PRR15: variants seen among roughly 807,000 people sequenced by gnomAD.
PRR15 encodes proline rich 15, also known as proline-rich protein 15.
Under a neutral mutation model 3.0 loss-of-function variants are expected in PRR15, and 4 were observed. That is an observed-to-expected ratio of 1.34 (90% CI 0.66 to 3.08). PRR15 has a LOEUF of 3.08. Among genes scored for constraint, PRR15 ranks in the 30% most tolerant of loss-of-function variants. The probability of loss-of-function intolerance (pLI) is 0.01; values close to 1 mark genes in which losing one functional copy is unlikely to be tolerated. For missense variants in PRR15, 200 were observed against 179.5 expected (o/e 1.11, Z -0.65); for synonymous variants, 82 against 79.8 (o/e 1.03, Z -0.14).
intron 1 of PRR15, chr7:29,565,897 G>C: frequency 5.6e-6 from 1 of 177,282 alleles, no homozygotes; most frequent in Non-Finnish European, 1.2e-5. Context: ...TGGGTCCCCC[G>C]GGCACGCTGA....
chr7:29,566,775 G>C lies in PRR15; in HGVS notation c.*56G>C, dbSNP rs1473480953. On this transcript the variant is annotated 3_prime_UTR_variant, in exon 2 of 2. Transcript: ENST00000319694. ...TACCCAGCACTACCCCAAACCCCCA[G>C]TTCCAAACCCGAGACTTCAGGCCCG... 7 of 1,463,154 alleles carry C rather than the reference G, an allele frequency of 4.8e-6. No homozygotes were observed. The highest frequency in any genetic ancestry group is 6.3e-6 in the Non-Finnish European group (7 of 1,102,382). The allele number at this position is 1,463,154 out of a possible 1,614,324, so 90.6% of individuals were successfully genotyped here.
rs1304808017 is a variant in PRR15 at position 29,566,733 on chromosome 7, C to T, written c.*14C>T. 1.3e-6 allele frequency: 2 copies of T among 1,537,890 alleles called. No homozygotes were observed. Among genetic ancestry groups the T allele is most frequent in the Non-Finnish European group, 8.8e-7 (1 of 1,140,316 alleles). On this transcript the variant is annotated 3_prime_UTR_variant, in exon 2 of 2. Coordinates refer to ENST00000319694, the MANE Select transcript of PRR15 (RefSeq NM_175887.3). Reference sequence around the variant, plus strand: ...GACAAGCAGTAGCCCCAATAGCCTGCGCGCTCCAGGACTGCCTACCCAGCA... The same window carrying T: ...GACAAGCAGTAGCCCCAATAGCCTGTGCGCTCCAGGACTGCCTACCCAGCA...
Position 29,566,909 on chromosome 7 carries a change from G to T in PRR15, c.*190G>T. On this transcript the variant is annotated 3_prime_UTR_variant, in exon 2 of 2. Coordinates refer to ENST00000319694, the MANE Select transcript of PRR15 (RefSeq NM_175887.3). ...GTCAATTGGGTTCTCAATATTTCAT[G>T]ACTCCAAGGATGCATTAAATATTTA... 1 of 540,872 alleles carries T rather than the reference G, an allele frequency of 1.8e-6. No homozygotes were observed. The highest frequency in any genetic ancestry group is 3.2e-6 in the Non-Finnish European group (1 of 314,086). 33.5% of individuals were successfully genotyped at this position (540,872 alleles called of 1,614,324 possible).
At chr7:29,566,130 G>A (rs569097604) in intron 1 of PRR15, 55 bp from the exon 2 acceptor site, 76 of 637,756 alleles carry the variant, frequency 1.2e-4, no homozygotes, top group Non-Finnish European at 1.8e-4. Context: ...AAGGGGACTG[G>A]GGGGGGCACG....
intron 1 of PRR15, among the ~76,000 whole-genome samples, chr7:29,565,118 A>G (rs1265931889): frequency 6.6e-6 from 1 of 152,202 alleles, no homozygotes; most frequent in Non-Finnish European, 1.5e-5. Context: ...CCCGCACAGA[A>G]AGTGGGCTGG....
chr7:29,564,230 G>C lies in PRR15; in HGVS notation c.-293G>C, dbSNP rs1792831507. 1 of 152,314 alleles carries C rather than the reference G, an allele frequency of 6.6e-6. No homozygotes were observed. The highest frequency in any genetic ancestry group is 2.1e-4 in the South Asian group (1 of 4,828). 9.4% of individuals were successfully genotyped at this position (152,314 alleles called of 1,614,324 possible). ...GATTTAGCTGGGCTGCGGGAATTCC[G>C]ACCTGTACACTTTCCAGAAGCCTGA... On this transcript the variant is annotated 5_prime_UTR_variant, in exon 1 of 2. Coordinates refer to ENST00000319694, the MANE Select transcript of PRR15 (RefSeq NM_175887.3).
rs763113673 is a variant in PRR15, at chr7:29,566,586, G to A, written c.257G>A (p.Arg86His). The A allele has an allele frequency of 4.8e-5, 78 of 1,608,540 alleles. No individual in the cohort carries two copies. Among genetic ancestry groups the A allele is most frequent in the Non-Finnish European group, 6.2e-5 (73 of 1,177,932 alleles). ...TACGGGGACAAATCCGGCAGCAGCCGCCGCAATTTGAAGATCTCGCGCTCC... is the reference window on the plus strand; with the variant it reads ...TACGGGGACAAATCCGGCAGCAGCCACCGCAATTTGAAGATCTCGCGCTCC... The part of the protein sequence containing the change: ...KLYGDKSGSS[R>H]RNLKISRSGR... Residue 86 changes from arginine to histidine, a missense_variant, in exon 2 of 2, where the codon CGC becomes CAC. Physicochemically the swap from Arg to His is conservative, Grantham distance 29. Transcript: ENST00000319694.
chr7:29,566,521 C>A lies in PRR15; in HGVS notation c.192C>A (p.Leu64=). The change falls in exon 2 of 2, where the codon CTC becomes CTA. Residue 64 remains leucine (L), a synonymous_variant. Transcript: ENST00000319694. ...CCCGGGAGAACCAGCACCCCAATCT[C>A]CTCGGGGGCGCCGGCGAGCCCCCCA... is the stretch of plus-strand genomic sequence containing the variant. The part of the protein sequence containing the change: ...SSSRENQHPN[L]LGGAGEPPKP... The A allele has an allele frequency of 6.2e-7, 1 of 1,604,828 alleles. No individual in the cohort carries two copies.
rs1792821493 is a variant in PRR15 at position 29,563,879 on chromosome 7, C to G, written c.-644C>G. 6.6e-6 allele frequency: 1 copy of G among 152,290 alleles called. No homozygotes were observed. Among genetic ancestry groups the G allele is most frequent in the African/African-American group, 2.4e-5 (1 of 41,458 alleles). The allele number at this position is 152,290 out of a possible 1,614,324, so 9.4% of individuals were successfully genotyped here. On this transcript the variant is annotated 5_prime_UTR_variant, in exon 1 of 2. Transcript: ENST00000319694. ...CAGCTGCCCCAGGGTTCTGGTTTCCCGAATCACTTGGCAAATAACCAGCAG... is the reference window on the plus strand; with the variant it reads ...CAGCTGCCCCAGGGTTCTGGTTTCCGGAATCACTTGGCAAATAACCAGCAG...
rs1163053492 is a variant in PRR15 at position 29,566,424 on chromosome 7, C to T, written c.95C>T (p.Pro32Leu). The change falls in exon 2 of 2, where the codon CCG becomes CTG. Residue 32 changes from proline to leucine, a missense_variant. By Grantham distance (98) the Pro-to-Leu change is moderately conservative. Coordinates refer to ENST00000319694, the MANE Select transcript of PRR15 (RefSeq NM_175887.3). The stretch of plus-strand genomic sequence containing the variant: ...AGCAAGGAAGCCGCAGTGGGGGTGC[C>T]GCCTCCCGCCCAGCCCGCTCCCGGG... ...KKSKEAAVGVPPPAQPAPGEP... is the reference protein window; with the variant it reads ...KKSKEAAVGVLPPAQPAPGEP... 1.2e-6 allele frequency: 2 copies of T among 1,607,850 alleles called. No individual in the cohort carries two copies. The highest frequency in any genetic ancestry group is 1.3e-5 in the African/African-American group (1 of 74,800).
chr7:29,566,416 G>A lies in PRR15; in HGVS notation c.87G>A (p.Val29=). The change falls in exon 2 of 2, where the codon GTG becomes GTA. Residue 29 remains valine, a synonymous_variant. Coordinates refer to ENST00000319694, the MANE Select transcript of PRR15 (RefSeq NM_175887.3). ...NSRKKSKEAA[V]GVPPPAQPAP... ...GAAAGAAAAGCAAGGAAGCCGCAGT[G>A]GGGGTGCCGCCTCCCGCCCAGCCCG... The A allele has an allele frequency of 2.5e-6, 4 of 1,609,318 alleles. No homozygotes were observed. The highest frequency in any genetic ancestry group is 2.5e-6 in the Non-Finnish European group (3 of 1,178,420).
In PRR15 at chr7:29,566,230, A is replaced by C. The variant is rs977536872; in HGVS notation, c.-100A>C. On this transcript the variant is annotated 5_prime_UTR_variant, in exon 2 of 2. Transcript: ENST00000319694. ...TCCACCCCGCAGCCCACGTGTGGCAAGCCGGGGAAGGGGTGGAGTGAACGG... is the reference window on the plus strand; with the variant it reads ...TCCACCCCGCAGCCCACGTGTGGCACGCCGGGGAAGGGGTGGAGTGAACGG... 7.4e-7 allele frequency: 1 copy of C among 1,345,652 alleles called. No individual in the cohort carries two copies. Among genetic ancestry groups the C allele is most frequent in the African/African-American group, 1.5e-5 (1 of 68,014 alleles). The allele number at this position is 1,345,652 out of a possible 1,614,324, so 83.4% of individuals were successfully genotyped here.
chr7:29,564,236 T>G lies in PRR15; in HGVS notation c.-287T>G, dbSNP rs1792831784. On this transcript the variant is annotated 5_prime_UTR_variant, in exon 1 of 2. Transcript: ENST00000319694. ...GCTGGGCTGCGGGAATTCCGACCTG[T>G]ACACTTTCCAGAAGCCTGATCTCTC... 1 of 152,242 alleles carries G rather than the reference T, an allele frequency of 6.6e-6. No homozygotes were observed. The highest frequency in any genetic ancestry group is 1.5e-5 in the Non-Finnish European group (1 of 68,092). 9.4% of individuals were successfully genotyped at this position (152,242 alleles called of 1,614,324 possible). A position where few individuals can be genotyped will look rare whatever the true frequency, so the allele number is the denominator to read the frequency against.
intron 1 of PRR15, chr7:29,565,457 G>C (rs189827732): frequency 3.3e-4 from 51 of 152,302 alleles, no homozygotes; most frequent in African/African-American, 8.9e-4. Context: ...GGGAGTAAAA[G>C]GAAGAATTAG....
At position 29,566,669 on chromosome 7, in the gene PRR15, T is replaced by A. The variant is rs1469987276; in HGVS notation, c.340T>A (p.Ser114Thr). The A allele has an allele frequency of 3.8e-6, 6 of 1,576,128 alleles. No homozygotes were observed. The highest frequency in any genetic ancestry group is 3.6e-5 in the Admixed American group (2 of 55,270). Residue 114 changes from serine to threonine, a missense_variant, in exon 2 of 2, where the codon TCC becomes ACC. Ser to Thr is a moderately conservative substitution (Grantham distance 58). Transcript: ENST00000319694. ...CACGCTGCTCCCGGAGGCGGGCAGG[T>A]CCCCGGAGGAGGCAGGCTTTCCTGG... ...RATLLPEAGR[S>T]PEEAGFPGDP...
intron 1 of PRR15, 61 bp from the exon 2 acceptor site, chr7:29,566,124 G>A: frequency 1.6e-6 from 1 of 629,714 alleles, no homozygotes; most frequent in East Asian, 2.8e-5. Flanking sequence ...GGAGGAAAGG[G>A]GACTGGGGGG....
rs1562706983 is a variant in PRR15 at position 29,566,291 on chromosome 7, C to T, written c.-39C>T. 6.4e-7 allele frequency: 1 copy of T among 1,569,614 alleles called. No homozygotes were observed. Among genetic ancestry groups the T allele is most frequent in the Non-Finnish European group, 8.6e-7 (1 of 1,165,016 alleles). ...CGTGGAGAAAGGGGCCGCTTTGGCC[C>T]TTCCATCTGGGTGCCGGGAGCCCCT... On this transcript the variant is annotated 5_prime_UTR_variant, in exon 2 of 2. Transcript: ENST00000319694.
At position 29,566,487 on chromosome 7, in the gene PRR15, C is replaced by T. The variant is rs769849129; in HGVS notation, c.158C>T (p.Thr53Ile). 3 of 1,599,068 alleles carry T rather than the reference C, an allele frequency of 1.9e-6. No homozygotes were observed. Among genetic ancestry groups the T allele is most frequent in the African/African-American group, 2.7e-5 (2 of 74,430 alleles). ...CCTGCGCCGCCCAGCCCGGACTGGA[C>T]CAGCAGCTCCCGGGAGAACCAGCAC... ...TPPAPPSPDW[T>I]SSSRENQHPN... Residue 53 changes from threonine (T) to isoleucine (I), a missense_variant, in exon 2 of 2, where the codon ACC becomes ATC. Thr to Ile is a moderately conservative substitution (Grantham distance 89). Transcript: ENST00000319694.
Position 29,564,328 on chromosome 7 carries a change from T to C in PRR15, c.-195T>C, listed in dbSNP as rs1792834639. 1 of 152,120 alleles carries C rather than the reference T, an allele frequency of 6.6e-6. No homozygotes were observed. The highest frequency in any genetic ancestry group is 2.1e-4 in the South Asian group (1 of 4,820). 9.4% of individuals were successfully genotyped at this position (152,120 alleles called of 1,614,324 possible). ...ACCCGAGCGCGCCCCCTTCGTGCTC[T>C]CGGCCGCGTTCACCGCGCGAGGCCT... On this transcript the variant is annotated 5_prime_UTR_variant, in exon 1 of 2. Coordinates refer to ENST00000319694, the MANE Select transcript of PRR15 (RefSeq NM_175887.3).
Sources: allele counts gnomAD v4.1 joint callset (sites outside exome capture counted in the v4.1 genomes callset), GRCh38; gene constraint gnomAD v4.1.1; transcripts MANE v1.5; gene names NCBI Gene and HGNC (gene_info 2026-07-23, HGNC 2026-07-21).